Variants in PRRG1 observed in about 807,000 individuals in gnomAD.
PRRG1 encodes the protein proline rich and Gla domain 1, also known as transmembrane gamma-carboxyglutamic acid protein 1.
A neutral mutation model predicts 11.8 loss-of-function variants in PRRG1; 5 were observed. That is an observed-to-expected ratio of 0.42 (90% CI 0.22 to 0.89). The LOEUF is 0.89. PRRG1 is among the 40% of genes least tolerant of loss of function. PRRG1 has a pLI of 0.28. For missense variants in PRRG1, 155 were observed against 166.1 expected (o/e 0.93, Z 0.37); for synonymous variants, 66 against 60.4 (o/e 1.09, Z -0.43).
At chrX:37,372,751 C>T (rs1930805486) in intron 1 of PRRG1, among the ~76,000 whole-genome samples, 1 of 112,967 alleles carries the variant, frequency 8.9e-6, no homozygotes, top group African/African-American at 3.2e-5. Context: ...GTTATCTCTT[C>T]ATTCTGTTTA....
At chrX:37,368,104 G>A (rs1230841625) in intron 1 of PRRG1, among the ~76,000 whole-genome samples, 1 of 111,803 alleles carries the variant, frequency 8.9e-6, no homozygotes, top group Non-Finnish European at 1.9e-5. Context: ...CCTAGAATAT[G>A]ATCTTTCCTG....
chrX:37,378,396 A>G (rs1556372989), intron 1 of PRRG1, among the ~76,000 whole-genome samples: 2 of 112,033 alleles, frequency 1.8e-5, no homozygotes, highest in Admixed American at 9.5e-5. Context: ...TTAGAATCCT[A>G]TAATGCTTAT....
chrX:37,376,016 C>T (rs1415020110), intron 1 of PRRG1, among the ~76,000 whole-genome samples: 2 of 111,422 alleles, frequency 1.8e-5, no homozygotes, highest in African/African-American at 6.5e-5. Context: ...GTGATTTGCC[C>T]TGTAATTGCA....
At chrX:37,386,796 T>C (rs960639296) in intron 1 of PRRG1, 1 of 112,308 alleles carries the variant, frequency 8.9e-6, no homozygotes, top group Admixed American at 9.4e-5. Context: ...ATAATAGTTT[T>C]ATATTTAACT....
intron 1 of PRRG1, among the ~76,000 whole-genome samples, chrX:37,363,368 C>T (rs983691256): frequency 1.8e-5 from 2 of 112,134 alleles, no homozygotes; most frequent in Non-Finnish European, 1.9e-5. Context: ...ATTTACTATG[C>T]ATGCATTTCA....
chrX:37,397,977 AACACACACAC>A (rs782125904), intron 1 of PRRG1, among the ~76,000 whole-genome samples: 7 of 84,000 alleles, frequency 8.3e-5, no homozygotes, highest in Admixed American at 2.7e-4. Context: ...TATAAAAACT[AACACACACAC>A]ACACACACAC....
At chrX:37,391,737 GATTT>G (rs1179643486) in intron 1 of PRRG1, among the ~76,000 whole-genome samples, 1 of 111,898 alleles carries the variant, frequency 8.9e-6, no homozygotes, top group Non-Finnish European at 1.9e-5. Context: ...TTTATGAAGT[GATTT>G]ATAGGGCATC....
chrX:37,371,498 G>A (rs979639732), intron 1 of PRRG1, among the ~76,000 whole-genome samples: 2 of 112,795 alleles, frequency 1.8e-5, no homozygotes, highest in East Asian at 2.8e-4. Context: ...TGCTCATTAC[G>A]TTGTAGGCAA....
chrX:37,424,198 G>A (rs1932740811), intron 2 of PRRG1, among the ~76,000 whole-genome samples: 1 of 111,700 alleles, frequency 9.0e-6, no homozygotes, highest in Non-Finnish European at 1.9e-5. Context: ...TTCAGTGAAA[G>A]ATCTCTTTAA....
chrX:37,448,805 A>G (rs1222891791), intron 3 of PRRG1, among the ~76,000 whole-genome samples: 1 of 111,587 alleles, frequency 9.0e-6, no homozygotes, highest in Non-Finnish European at 1.9e-5. Flanking sequence ...CTTTTAAGAT[A>G]CTTTTTAAAG....
At chrX:37,398,594 GCAGTTCCTCA>G (rs1931814214) in intron 1 of PRRG1, among the ~76,000 whole-genome samples, 1 of 112,558 alleles carries the variant, frequency 8.9e-6, no homozygotes, top group Non-Finnish European at 1.9e-5. Flanking sequence ...CCAAAGGAAC[GCAGTTCCTCA>G]CCAGCAATGG....
chrX:37,390,162 T>A (rs1228210445), intron 1 of PRRG1, among the ~76,000 whole-genome samples: 1 of 111,448 alleles, frequency 9.0e-6, no homozygotes, highest in Non-Finnish European at 1.9e-5. Flanking sequence ...CAAAAGGGGA[T>A]GGGAAGCTCC....
rs782346369 is a variant in PRRG1 at position 37,406,352 on chromosome X, C to T, written c.10+93C>T. 598 of 907,802 alleles carry T rather than the reference C, an allele frequency of 6.6e-4. 1 individual carries two copies. Among genetic ancestry groups the T allele is most frequent in the Non-Finnish European group, 8.6e-4 (551 of 640,190 alleles). The allele number at this position is 907,802 out of a possible 1,213,427, so 74.8% of individuals were successfully genotyped here. A position where few individuals can be genotyped will look rare whatever the true frequency, so the allele number is the denominator to read the frequency against. ...TTCTAACTCATAGTATATTTGTGGA[C>T]ACCTAAATTGTATTTCTTGTTAGTG... On this transcript the variant is annotated intron_variant, in intron 2 of 3. Transcript: ENST00000378628.
chrX:37,445,226 A>G (rs1933052625), intron 3 of PRRG1, among the ~76,000 whole-genome samples: 1 of 112,266 alleles, frequency 8.9e-6, no homozygotes. Context: ...AAAAATTTCA[A>G]TGCCTAGATC....
chrX:37,372,654 T>C (rs1930802816), intron 1 of PRRG1, among the ~76,000 whole-genome samples: 2 of 112,623 alleles, frequency 1.8e-5, no homozygotes, highest in Non-Finnish European at 3.7e-5. Flanking sequence ...GTTTTCTTGC[T>C]CTTGAGTTCT....
At chrX:37,361,291 G>A (rs1016834802) in intron 1 of PRRG1, among the ~76,000 whole-genome samples, 16 of 108,609 alleles carry the variant, frequency 1.5e-4, no homozygotes, top group South Asian at 4.1e-4. Flanking sequence ...GCAGTGAGCC[G>A]AGATGGTGCC....
chrX:37,438,752 A>T (rs782739953), intron 3 of PRRG1, among the ~76,000 whole-genome samples: 6 of 111,388 alleles, frequency 5.4e-5, no homozygotes, highest in Non-Finnish European at 1.1e-4. Context: ...CTCTTTTTTA[A>T]TACATAAAAA....
At chrX:37,418,558 A>G (rs1932566051) in intron 2 of PRRG1, among the ~76,000 whole-genome samples, 1 of 112,317 alleles carries the variant, frequency 8.9e-6, no homozygotes, top group African/African-American at 3.2e-5. Context: ...AACATGATTT[A>G]AAAGATTTTT....
At chrX:37,392,341 A>G (rs1269801722) in intron 1 of PRRG1, among the ~76,000 whole-genome samples, 4 of 109,657 alleles carry the variant, frequency 3.6e-5, no homozygotes, top group Non-Finnish European at 7.6e-5. Context: ...TGAAAAAGCC[A>G]ACTGACCCCT....
Sources: gnomAD v4.1 joint callset for allele counts (sites outside exome capture counted in the v4.1 genomes callset) on GRCh38, gnomAD v4.1.1 for gene constraint, MANE v1.5 for transcripts, NCBI Gene and HGNC (gene_info 2026-07-23, HGNC 2026-07-21) for gene names.